Variants in GNB4 observed in about 807,000 individuals in gnomAD.
GNB4 encodes the protein guanine nucleotide-binding protein subunit beta-4.
Under a neutral mutation model 45.2 loss-of-function variants are expected in GNB4, and 28 were observed. The observed-to-expected ratio is 0.62, with a 90% CI of 0.46 to 0.85. GNB4 has a LOEUF of 0.85. Ranked by LOEUF, GNB4 falls within the 40% of genes least tolerant of loss-of-function variation. The pLI, the probability that GNB4 is intolerant of heterozygous loss-of-function variation, is 0.00. For missense variants in GNB4, 321 were observed against 425.4 expected (o/e 0.75, Z 2.16); for synonymous variants, 132 against 143.7 (o/e 0.92, Z 0.58).
chr3:179,419,578 G>A, intron 3 of GNB4, 73 bp from the exon 4 acceptor site: 1 of 929,346 alleles, frequency 1.1e-6, no homozygotes, highest in South Asian at 1.3e-5. Context: ...TAGAAACAGT[G>A]AGGAGTTAAA....
chr3:179,525,612 A>G, the GNB4 span, among the ~76,000 whole-genome samples: 1 of 152,220 alleles, frequency 6.6e-6, no homozygotes, highest in Non-Finnish European at 1.5e-5. Flanking sequence ...ATGTGGGTGA[A>G]TAATCAGGCA....
intron 9 of GNB4, among the ~76,000 whole-genome samples, chr3:179,402,025 ATT>A: frequency 1.3e-5 from 2 of 152,336 alleles, no homozygotes; most frequent in Middle Eastern, 6.8e-3. Flanking sequence ...TTGAATTTGC[ATT>A]CTCTCTCTCT....
chr3:179,451,622 G>C (rs1455804811), upstream of GNB4: 3 of 151,316 alleles, frequency 2.0e-5, no homozygotes, highest in Non-Finnish European at 4.4e-5. Context: ...GCGCAGCCCG[G>C]GCGGGGGGCG....
chr3:179,444,854 T>C (rs1403139219), intron 1 of GNB4, among the ~76,000 whole-genome samples: 1 of 152,234 alleles, frequency 6.6e-6, no homozygotes, highest in African/African-American at 2.4e-5. Flanking sequence ...ACATGCCAAT[T>C]AGACATAAAA....
At chr3:179,519,757 A>G in the GNB4 span, among the ~76,000 whole-genome samples, 1 of 152,076 alleles carries the variant, frequency 6.6e-6, no homozygotes, top group Admixed American at 6.5e-5. Flanking sequence ...CCACAAGTAT[A>G]GGACACCTCT....
At chr3:179,407,323 T>C (rs1714501878) in intron 8 of GNB4, among the ~76,000 whole-genome samples, 1 of 152,082 alleles carries the variant, frequency 6.6e-6, no homozygotes, top group Admixed American at 6.6e-5. Context: ...GCACAGCGTG[T>C]TGGCGGGTGC....
the GNB4 span, among the ~76,000 whole-genome samples, chr3:179,508,932 G>GTATA: frequency 0.013 from 1,327 of 102,122 alleles, 71 homozygotes; most frequent in African/African-American, 0.039. Context: ...TTCAGCATGT[G>GTATA]TATATATATA....
intron 9 of GNB4, among the ~76,000 whole-genome samples, chr3:179,401,802 A>G (rs542638023): frequency 6.6e-6 from 1 of 152,342 alleles, no homozygotes; most frequent in South Asian, 2.1e-4. Flanking sequence ...GAATACCAAC[A>G]TAATTCATTT....
intron 3 of GNB4, among the ~76,000 whole-genome samples, chr3:179,419,944 C>G (rs1714927129): frequency 1.3e-5 from 2 of 151,756 alleles, no homozygotes; most frequent in African/African-American, 2.4e-5. Flanking sequence ...AAACATGAAG[C>G]CTTCCCAAGA....
chr3:179,420,817 G>C, intron 3 of GNB4, 72 bp downstream of exon 3: 2 of 909,656 alleles, frequency 2.2e-6, no homozygotes, highest in South Asian at 2.8e-5. Flanking sequence ...ACAAGAATCT[G>C]AATGTCATTT....
At chr3:179,499,286 C>T in the GNB4 span, among the ~76,000 whole-genome samples, 16 of 151,670 alleles carry the variant, frequency 1.1e-4, no homozygotes, top group Admixed American at 9.2e-4. Context: ...GCCTCCCGAG[C>T]AGCTGGGACT....
chr3:179,472,945 C>T, the GNB4 span, among the ~76,000 whole-genome samples: 1 of 152,126 alleles, frequency 6.6e-6, no homozygotes, highest in Non-Finnish European at 1.5e-5. Flanking sequence ...GGGCAGATCA[C>T]GAGGTTAGGA....
the GNB4 span, among the ~76,000 whole-genome samples, chr3:179,491,567 G>A: frequency 2.3e-4 from 35 of 152,226 alleles, no homozygotes; most frequent in East Asian, 1.2e-3. Context: ...GAAGCATTCC[G>A]GAGCTGGTAT....
chr3:179,447,407 G>C (rs1049644528), intron 1 of GNB4, among the ~76,000 whole-genome samples: 2 of 150,320 alleles, frequency 1.3e-5, no homozygotes, highest in African/African-American at 4.9e-5. Flanking sequence ...CTATTGCCCA[G>C]GCACAAACAT....
At chr3:179,441,564 T>C (rs941100567) in intron 1 of GNB4, among the ~76,000 whole-genome samples, 9 of 151,946 alleles carry the variant, frequency 5.9e-5, no homozygotes, top group Admixed American at 5.9e-4. Context: ...TGAAACCCTG[T>C]GTTTACTAAA....
At chr3:179,488,535 G>C in the GNB4 span, among the ~76,000 whole-genome samples, 1 of 152,072 alleles carries the variant, frequency 6.6e-6, no homozygotes, top group Non-Finnish European at 1.5e-5. Flanking sequence ...CCCTTCTTAA[G>C]ATATAAAGCT....
the GNB4 span, among the ~76,000 whole-genome samples, chr3:179,522,444 A>ATTCTCTTTT: frequency 1.4e-5 from 2 of 142,748 alleles, no homozygotes; most frequent in African/African-American, 6.2e-5. Context: ...TTGCTCACAC[A>ATTCTCTTTT]AAGCCTGTTT....
intron 2 of GNB4, among the ~76,000 whole-genome samples, chr3:179,424,270 G>A (rs1311116590): frequency 6.6e-6 from 1 of 152,212 alleles, no homozygotes; most frequent in Admixed American, 6.5e-5. Flanking sequence ...CCAATCAGCT[G>A]CTCCTGCTCA....
the GNB4 span, among the ~76,000 whole-genome samples, chr3:179,490,722 G>C: frequency 5.3e-5 from 8 of 152,110 alleles, no homozygotes; most frequent in Non-Finnish European, 2.9e-5. Context: ...TTTTGTTCTA[G>C]CTAAGCCCCC....
Sources: allele counts gnomAD v4.1 joint callset (sites outside exome capture counted in the v4.1 genomes callset), GRCh38; gene constraint gnomAD v4.1.1; transcripts MANE v1.5; gene names NCBI Gene and HGNC (gene_info 2026-07-23, HGNC 2026-07-21).